NF1: variants seen among roughly 807,000 people sequenced by gnomAD.
NF1 encodes neurofibromin 1.
NF1 carries 122 observed loss-of-function variants against 325.7 expected under a neutral mutation model. The ratio of observed to expected loss-of-function variants is 0.37; its 90% CI spans 0.32 to 0.44. The LOEUF (loss-of-function observed/expected upper bound fraction) is 0.44. Among genes scored for constraint, NF1 ranks in the 20% least tolerant of loss-of-function variants. The probability of loss-of-function intolerance (pLI) is 1.00; values close to 1 mark genes in which losing one functional copy is unlikely to be tolerated. For synonymous variants in NF1, 1,091 were observed against 1,186.0 expected (o/e 0.92, Z 1.65); for missense variants, 2,140 against 3,415.4 (o/e 0.63, Z 9.31).
chr17:31,233,018 G>A lies in NF1; in HGVS notation c.3513G>A (p.Lys1171=), dbSNP rs765438014. 1.9e-6 allele frequency: 3 copies of A among 1,614,176 alleles called. No individual in the cohort carries two copies. The highest frequency in any genetic ancestry group is 2.5e-6 in the Non-Finnish European group (3 of 1,180,026). Residue 1171 remains lysine, a synonymous_variant, in exon 27 of 58, where the codon AAG becomes AAA. Transcript: ENST00000358273. Reference sequence around the variant, plus strand: ...CCACATTAGGCTTAGGTTACCACAAGGATCTCCAGACAAGAGCTACATTTA... The same window carrying A: ...CCACATTAGGCTTAGGTTACCACAAAGATCTCCAGACAAGAGCTACATTTA... ...LMHSIGLGYH[K]DLQTRATFME... is the part of the protein sequence containing the mutation.
chr17:31,296,564 T>C, intron 36 of NF1: 1 of 527,214 alleles, frequency 1.9e-6, no homozygotes. Context: ...TACTCTCTCC[T>C]GCATTTTCTC....
intron 50 of NF1, among the ~76,000 whole-genome samples, 200 bp from the exon 51 acceptor site, chr17:31,352,057 A>G (rs1212611243): frequency 6.6e-6 from 1 of 152,154 alleles, no homozygotes; most frequent in African/African-American, 2.4e-5. Flanking sequence ...AGTACCTACT[A>G]TGTGCAAGAT....
chr17:31,341,159 G>A (rs2069811790), intron 47 of NF1, among the ~76,000 whole-genome samples: 1 of 152,030 alleles, frequency 6.6e-6, no homozygotes, highest in Non-Finnish European at 1.5e-5. Context: ...TAAGGAAGTT[G>A]GAGAGTCTAA....
intron 8 of NF1, among the ~76,000 whole-genome samples, chr17:31,196,054 T>C (rs2066428537): frequency 6.6e-6 from 1 of 152,122 alleles, no homozygotes; most frequent in Non-Finnish European, 1.5e-5. Context: ...CTAGAAAATA[T>C]ATATTTCAGT....
intron 36 of NF1, chr17:31,295,452 C>T: frequency 3.1e-6 from 5 of 1,614,126 alleles, no homozygotes; most frequent in Non-Finnish European, 4.2e-6. Context: ...TGAGTTACCA[C>T]ACTCAGAGAG....
At chr17:31,212,956 T>G (rs1379159003) in intron 12 of NF1, among the ~76,000 whole-genome samples, 1 of 152,210 alleles carries the variant, frequency 6.6e-6, no homozygotes, top group African/African-American at 2.4e-5. Flanking sequence ...GAAATGTTGT[T>G]TTGTGGCATA....
At chr17:31,327,884 C>T in intron 38 of NF1, 45 bp downstream of exon 38, 1 of 1,548,954 alleles carries the variant, frequency 6.5e-7, no homozygotes, top group Non-Finnish European at 8.9e-7. Flanking sequence ...GGGTTTGTTG[C>T]TTTTAAAATG....
chr17:31,186,477 G>A (rs1358515247), intron 8 of NF1, among the ~76,000 whole-genome samples: 1 of 152,200 alleles, frequency 6.6e-6, no homozygotes, highest in Non-Finnish European at 1.5e-5. Flanking sequence ...AGGAGAAATG[G>A]CCAGATGTGC....
chr17:31,357,790 T>C (rs1456527504), intron 54 of NF1: 2 of 206,678 alleles, frequency 9.7e-6, no homozygotes, highest in Non-Finnish European at 2.0e-5. Flanking sequence ...CTAAAAAATA[T>C]TAACCTCAAA....
At chr17:31,136,002 G>A (rs867892541) in intron 1 of NF1, among the ~76,000 whole-genome samples, 2 of 151,794 alleles carry the variant, frequency 1.3e-5, no homozygotes, top group African/African-American at 4.8e-5. Context: ...TTTTGATGAG[G>A]GTCTGTTGCA....
Position 31,296,355 on chromosome 17 carries a change from C to T in NF1, c.4836-29465C>T, listed in dbSNP as rs972661102. On this transcript the variant is annotated intron_variant, in intron 36 of 57. Transcript: ENST00000358273. Reference sequence around the variant, plus strand: ...ATCAAAGCCTAGAAACAAACAGATACACCCTTCTTTTAATATGCAAATACA... The same window carrying T: ...ATCAAAGCCTAGAAACAAACAGATATACCCTTCTTTTAATATGCAAATACA... 12 of 1,613,408 alleles carry T rather than the reference C, an allele frequency of 7.4e-6. No homozygotes were observed. The African/African-American group carries it at 1.2e-4, about 16-fold the overall frequency.
intron 13 of NF1, among the ~76,000 whole-genome samples, chr17:31,217,971 A>G (rs1206383359): frequency 6.6e-6 from 1 of 150,566 alleles, no homozygotes. Context: ...AGGCATTCAC[A>G]TTTTTACATA....
chr17:31,330,743 C>T (rs909050444), intron 39 of NF1: 3 of 528,268 alleles, frequency 5.7e-6, no homozygotes, highest in East Asian at 3.2e-5. Context: ...TGGTACTTTA[C>T]ACACCTCTGG....
chr17:31,259,642 A>G (rs563925287), intron 33 of NF1, among the ~76,000 whole-genome samples: 14 of 152,340 alleles, frequency 9.2e-5, no homozygotes, highest in African/African-American at 3.4e-4. Context: ...CTAGATTTCT[A>G]TAACTAGTTA....
At chr17:31,179,395 CA>C in intron 5 of NF1, among the ~76,000 whole-genome samples, 1 of 152,172 alleles carries the variant, frequency 6.6e-6, no homozygotes, top group African/African-American at 2.4e-5. Context: ...ACTAAATGCC[CA>C]CAAGATAAAG....
At chr17:31,305,700 T>C in intron 36 of NF1, 1 of 1,303,626 alleles carries the variant, frequency 7.7e-7, no homozygotes, top group Non-Finnish European at 1.0e-6. Flanking sequence ...AATTTGACTT[T>C]TCATTATGAT....
chr17:31,105,612 T>G (rs934130704), intron 1 of NF1, among the ~76,000 whole-genome samples: 3 of 152,268 alleles, frequency 2.0e-5, no homozygotes, highest in African/African-American at 7.2e-5. Context: ...CCTCCCAGGC[T>G]CAAGCGATTT....
Position 31,215,786 on chromosome 17 carries a change from A to G in NF1, c.1527+1201A>G, listed in dbSNP as rs1206652849. ...TTGCTCAGTAACTGGCTTTTTAAAA[A>G]GTGTTAAGGTGCTTTCGATTTTGGT... On this transcript the variant is annotated intron_variant, in intron 13 of 57. Coordinates refer to ENST00000358273, the MANE Select transcript of NF1 (RefSeq NM_001042492.3). Among the ~76,000 whole-genome samples, 3 of 152,212 alleles carry G rather than the reference A, an allele frequency of 2.0e-5. No homozygotes were observed. The East Asian group carries it at 5.8e-4, about 29-fold the overall frequency.
chr17:31,300,757 G>C (rs541155345), intron 36 of NF1, among the ~76,000 whole-genome samples: 1 of 152,036 alleles, frequency 6.6e-6, no homozygotes, highest in African/African-American at 2.4e-5. Context: ...CCATTTTGCA[G>C]TCCCACCAAC....
Sources: gnomAD v4.1 joint callset for allele counts (sites outside exome capture counted in the v4.1 genomes callset) on GRCh38, gnomAD v4.1.1 for gene constraint, MANE v1.5 for transcripts, NCBI Gene and HGNC (gene_info 2026-07-23, HGNC 2026-07-21) for gene names.